Variants in ARHGAP21 observed in about 807,000 individuals in gnomAD.
ARHGAP21 encodes Rho GTPase activating protein 21.
ARHGAP21 carries 38 observed loss-of-function variants against 164.6 expected under a neutral mutation model. The ratio of observed to expected loss-of-function variants is 0.23; its 90% CI spans 0.18 to 0.30. The LOEUF is 0.30. ARHGAP21 is among the 10% of genes least tolerant of loss of function. The probability of loss-of-function intolerance (pLI) is 1.00; values close to 1 mark genes in which losing one functional copy is unlikely to be tolerated. For missense variants in ARHGAP21, 1,822 were observed against 2,370.7 expected (o/e 0.77, Z 4.81); for synonymous variants, 766 against 857.9 (o/e 0.89, Z 1.87).
At chr10:24,614,266 G>A (rs1403731424) in intron 9 of ARHGAP21, among the ~76,000 whole-genome samples, 1 of 152,114 alleles carries the variant, frequency 6.6e-6, no homozygotes, top group East Asian at 1.9e-4. Flanking sequence ...TAAAGAAGTT[G>A]GACTTGGGTA....
At chr10:24,650,387 T>C (rs1041776973) in intron 4 of ARHGAP21, among the ~76,000 whole-genome samples, 12 of 151,976 alleles carry the variant, frequency 7.9e-5, no homozygotes, top group African/African-American at 2.7e-4. Context: ...AACATGTAGA[T>C]AGGAAGGAGA....
At chr10:24,632,398 G>A (rs1835931633) in intron 6 of ARHGAP21, among the ~76,000 whole-genome samples, 1 of 152,092 alleles carries the variant, frequency 6.6e-6, no homozygotes, top group African/African-American at 2.4e-5. Context: ...CCTTGGAGAG[G>A]CTTTAAATTC....
rs1236607145 is a variant in ARHGAP21, at chr10:24,620,179, C to CA, written c.1715dup (p.Met572IlefsTer4). On this transcript the variant is annotated frameshift_variant, in exon 9 of 26. Coordinates refer to ENST00000396432, the MANE Select transcript of ARHGAP21 (RefSeq NM_020824.4). LOFTEE classifies it high-confidence loss of function. ...ACACAGATCCCACTCCTCTACCACT[C>CA]ATTCGCCTGTTATCAGAATTAACAA... is the stretch of plus-strand genomic sequence containing the variant. 6.2e-7 allele frequency: 1 copy of CA among 1,613,858 alleles called. No individual in the cohort carries two copies. The highest frequency in any genetic ancestry group is 8.5e-7 in the Non-Finnish European group (1 of 1,179,886).
chr10:24,715,029 C>CAAA (rs66519158), intron 2 of ARHGAP21, among the ~76,000 whole-genome samples: 8 of 143,472 alleles, frequency 5.6e-5, no homozygotes, highest in African/African-American at 2.1e-4. Flanking sequence ...GAGTCCATCT[C>CAAA]AAAAAAAAAA....
intron 9 of ARHGAP21, among the ~76,000 whole-genome samples, chr10:24,617,898 T>TTGG (rs1430343638): frequency 6.6e-6 from 1 of 152,108 alleles, no homozygotes; most frequent in Non-Finnish European, 1.5e-5. Context: ...AAGTATGGCC[T>TTGG]TGGTTGGTGG....
At chr10:24,647,450 C>T (rs994110037) in intron 4 of ARHGAP21, among the ~76,000 whole-genome samples, 5 of 152,282 alleles carry the variant, frequency 3.3e-5, no homozygotes, top group South Asian at 2.1e-4. Flanking sequence ...GTCACTGGCA[C>T]TTTGTGTTAG....
chr10:24,618,614 C>T (rs1248491150), intron 9 of ARHGAP21, among the ~76,000 whole-genome samples: 1 of 152,098 alleles, frequency 6.6e-6, no homozygotes, highest in African/African-American at 2.4e-5. Flanking sequence ...CCAGCTGTAC[C>T]TGTCCCTGTA....
rs1430143397 is a variant in ARHGAP21 at position 24,583,861 on chromosome 10, A to G, written c.*551T>C. The G allele has an allele frequency of 6.6e-6, 1 of 152,658 alleles. No individual in the cohort carries two copies. Among genetic ancestry groups the G allele is most frequent in the Non-Finnish European group, 1.5e-5 (1 of 68,046 alleles). 9.5% of individuals were successfully genotyped at this position (152,658 alleles called of 1,614,324 possible). On this transcript the variant is annotated 3_prime_UTR_variant, in exon 26 of 26. Coordinates refer to ENST00000396432, the MANE Select transcript of ARHGAP21 (RefSeq NM_020824.4). ...TACAGAAAGATTAAAAATTCAAGTC[A>G]CACAAAACTCAAAAACTGTATTAAA...
intron 7 of ARHGAP21, among the ~76,000 whole-genome samples, chr10:24,623,212 C>A (rs1834751375): frequency 6.6e-6 from 1 of 152,158 alleles, no homozygotes; most frequent in South Asian, 2.1e-4. Flanking sequence ...TAAATCAGAG[C>A]ATAACCACAA....
intron 2 of ARHGAP21, among the ~76,000 whole-genome samples, chr10:24,683,875 TCTC>T (rs751196168): frequency 1.1e-4 from 17 of 152,178 alleles, no homozygotes; most frequent in South Asian, 8.3e-4. Context: ...ACCATCTACT[TCTC>T]ATTTTTCAGA....
rs1361145569 is a variant in ARHGAP21 at position 24,585,171 on chromosome 10, T to C, written c.5118A>G (p.Lys1706=). The change falls in exon 26 of 26, where the codon AAA becomes AAG. Residue 1706 remains lysine, a synonymous_variant. Transcript: ENST00000396432. The part of the protein sequence containing the change: ...KLIECDTLSR[K]KSARFKSDSG... Reference sequence around the variant, plus strand: ...TATCTGACTTGAATCTAGCTGATTTTTTCCTGGAAAGAGTATCACATTCGA... The same window carrying C: ...TATCTGACTTGAATCTAGCTGATTTCTTCCTGGAAAGAGTATCACATTCGA... 1.2e-6 allele frequency: 2 copies of C among 1,610,524 alleles called. No homozygotes were observed. Among genetic ancestry groups the C allele is most frequent in the South Asian group, 2.2e-5 (2 of 90,778 alleles).
At chr10:24,692,166 G>C (rs1299270117) in intron 2 of ARHGAP21, among the ~76,000 whole-genome samples, 1 of 152,186 alleles carries the variant, frequency 6.6e-6, no homozygotes, top group Non-Finnish European at 1.5e-5. Flanking sequence ...ATGGTGTTGG[G>C]AGGGAAGGAC....
chr10:24,610,088 G>A (rs181883510), intron 9 of ARHGAP21, among the ~76,000 whole-genome samples: 3 of 152,246 alleles, frequency 2.0e-5, no homozygotes, highest in South Asian at 2.1e-4. Flanking sequence ...CTTAAGAAAC[G>A]AGGTCTTGGA....
At chr10:24,674,435 C>T (rs954977122) in intron 2 of ARHGAP21, among the ~76,000 whole-genome samples, 2 of 151,948 alleles carry the variant, frequency 1.3e-5, no homozygotes, top group South Asian at 2.1e-4. Context: ...TCAGGAGAAT[C>T]GCTTGAACCA....
intron 4 of ARHGAP21, among the ~76,000 whole-genome samples, chr10:24,652,792 C>T (rs759391148): frequency 5.3e-5 from 8 of 152,104 alleles, no homozygotes; most frequent in Non-Finnish European, 1.2e-4. Flanking sequence ...ACAGAGCAAG[C>T]GGAACTCTCA....
chr10:24,712,342 C>A (rs1236091264), intron 2 of ARHGAP21, among the ~76,000 whole-genome samples: 2 of 152,216 alleles, frequency 1.3e-5, no homozygotes, highest in East Asian at 3.9e-4. Flanking sequence ...ACCTATGTTG[C>A]CACAAAATAG....
intron 2 of ARHGAP21, among the ~76,000 whole-genome samples, chr10:24,692,455 G>T (rs1037549747): frequency 6.6e-6 from 1 of 152,168 alleles, no homozygotes; most frequent in Non-Finnish European, 1.5e-5. Context: ...CCATTTCTAA[G>T]AGTCTGTCTT....
chr10:24,670,330 G>A lies in ARHGAP21; in HGVS notation c.131C>T (p.Ser44Phe), dbSNP rs770467400. Reference protein sequence around the residue: ...TVSLSEDETFSWPGPKTVTLK... With the variant: ...TVSLSEDETFFWPGPKTVTLK... ...CGTAACTGTTTTGGGACCTGGCCAG[G>A]AGAATGTTTCATCTTCAGACAGTGA... The change falls in exon 3 of 26, where the codon TCC (serine) becomes TTC (phenylalanine). Residue 44 changes from serine (S) to phenylalanine (F), a missense_variant. Physicochemically the swap from Ser to Phe is radical, Grantham distance 155. Around this residue, in one of 5 missense-constraint regions of ARHGAP21, gnomAD observed 1,090 missense variants for 1,378.9 expected, o/e 0.79. Transcript: ENST00000396432. 1.2e-6 allele frequency: 2 copies of A among 1,609,076 alleles called. No homozygotes were observed. Among genetic ancestry groups the A allele is most frequent in the South Asian group, 2.2e-5 (2 of 90,288 alleles).
intron 24 of ARHGAP21, 57 bp downstream of exon 24, chr10:24,591,167 CA>C: frequency 7.3e-7 from 1 of 1,371,426 alleles, no homozygotes. Context: ...TTTGCTCTTT[CA>C]TATTGTAAGA....
Sources: allele counts gnomAD v4.1 joint callset (sites outside exome capture counted in the v4.1 genomes callset), GRCh38; gene constraint gnomAD v4.1.1; regional missense constraint gnomAD v4.1.1; transcripts MANE v1.5; gene names NCBI Gene and HGNC (gene_info 2026-07-23, HGNC 2026-07-21).